Variants in C8orf34 observed in about 807,000 individuals in gnomAD.
C8orf34 encodes the protein chromosome 8 open reading frame 34, also known as uncharacterized protein C8orf34.
In C8orf34, 65 loss-of-function variants were observed where a neutral mutation model predicts 68.3. The observed-to-expected ratio is 0.95, with a 90% confidence interval of 0.78 to 1.17. The LOEUF (loss-of-function observed/expected upper bound fraction) is 1.17, where lower values mean the gene tolerates loss of function less well. Among genes scored for constraint, C8orf34 ranks in the 50% most tolerant of loss-of-function variants. The pLI is 0.00. For synonymous variants in C8orf34, 244 were observed against 241.2 expected, an observed-to-expected ratio of 1.01 and a Z score of -0.11; for missense variants, 664 against 655.4, an observed-to-expected ratio of 1.01 and a Z score of -0.14.
At chr8:68,596,162 A>G (rs987117196) in intron 7 of C8orf34, among the ~76,000 whole-genome samples, 4 of 152,002 alleles carry the variant, frequency 2.6e-5, no homozygotes, top group African/African-American at 9.7e-5. Flanking sequence ...AGTTTGACTG[A>G]TCCCTGGGCA....
chr8:68,766,384 G>A (rs764629133), intron 10 of C8orf34, among the ~76,000 whole-genome samples: 3 of 152,150 alleles, frequency 2.0e-5, no homozygotes, highest in Non-Finnish European at 4.4e-5. Flanking sequence ...ACGGACCTTA[G>A]AGAATTTATA....
chr8:68,646,363 T>A (rs973820183), intron 8 of C8orf34, among the ~76,000 whole-genome samples: 2 of 152,020 alleles, frequency 1.3e-5, no homozygotes, highest in Non-Finnish European at 2.9e-5. Flanking sequence ...ATATATTGTA[T>A]ATTTATGGGG....
chr8:68,356,389 A>C (rs913108566), intron 1 of C8orf34, among the ~76,000 whole-genome samples: 1 of 152,140 alleles, frequency 6.6e-6, no homozygotes, highest in Admixed American at 6.6e-5. Flanking sequence ...AAATAAACAC[A>C]AAAACTCATA....
chr8:68,424,313 G>T (rs1810112996), intron 1 of C8orf34, among the ~76,000 whole-genome samples: 1 of 152,160 alleles, frequency 6.6e-6, no homozygotes, highest in Admixed American at 6.5e-5. Context: ...GAACCTACAT[G>T]CTCAACCTAA....
At chr8:68,813,688 A>C (rs1824724050) in intron 12 of C8orf34, among the ~76,000 whole-genome samples, 1 of 151,994 alleles carries the variant, frequency 6.6e-6, no homozygotes, top group East Asian at 1.9e-4. Flanking sequence ...TCAACATTCT[A>C]CCTGAAATTC....
intron 7 of C8orf34, 78 bp from the exon 8 acceptor site, chr8:68,640,298 A>T (rs1417389464): frequency 7.3e-7 from 1 of 1,368,986 alleles, no homozygotes; most frequent in African/African-American, 1.4e-5. Context: ...CTAATGGCAG[A>T]TACCTGAAAA....
At chr8:68,641,699 G>T (rs192802146) in intron 8 of C8orf34, among the ~76,000 whole-genome samples, 71 of 152,268 alleles carry the variant, frequency 4.7e-4, no homozygotes, top group African/African-American at 1.7e-3. Context: ...AGAAGACTGG[G>T]ATATGAGGTG....
chr8:68,548,116 A>G (rs1372344657), intron 7 of C8orf34, among the ~76,000 whole-genome samples: 1 of 151,802 alleles, frequency 6.6e-6, no homozygotes, highest in Non-Finnish European at 1.5e-5. Flanking sequence ...TAATATATTC[A>G]AAACATTGGC....
intron 5 of C8orf34, among the ~76,000 whole-genome samples, chr8:68,516,263 A>T (rs534689766): frequency 3.3e-5 from 5 of 152,310 alleles, no homozygotes; most frequent in African/African-American, 1.2e-4. Flanking sequence ...ACTGTTTTTC[A>T]TTCTTGAGGA....
At chr8:68,786,148 G>C (rs1823837949) in intron 11 of C8orf34, among the ~76,000 whole-genome samples, 1 of 152,140 alleles carries the variant, frequency 6.6e-6, no homozygotes, top group Non-Finnish European at 1.5e-5. Context: ...GAGATAAAGA[G>C]TGAATTGACA....
intron 7 of C8orf34, among the ~76,000 whole-genome samples, chr8:68,604,607 A>T (rs772611912): frequency 3.9e-5 from 6 of 152,160 alleles, no homozygotes; most frequent in African/African-American, 1.2e-4. Context: ...ATGGAATTAT[A>T]GTATGACATA....
chr8:68,622,438 A>G (rs1361669112), intron 7 of C8orf34, among the ~76,000 whole-genome samples: 2 of 152,082 alleles, frequency 1.3e-5, no homozygotes, highest in Non-Finnish European at 2.9e-5. Context: ...TCTTTCTGAC[A>G]TATGACGCTC....
intron 10 of C8orf34, among the ~76,000 whole-genome samples, chr8:68,772,105 A>T (rs1823357030): frequency 6.6e-6 from 1 of 152,178 alleles, no homozygotes; most frequent in Admixed American, 6.5e-5. Flanking sequence ...GGTAGTTCTT[A>T]AGAGAATGCT....
At chr8:68,449,118 A>G (rs1276284769) in intron 3 of C8orf34, among the ~76,000 whole-genome samples, 1 of 152,128 alleles carries the variant, frequency 6.6e-6, no homozygotes, top group African/African-American at 2.4e-5. Context: ...CTTAATTAAT[A>G]TTTATAAACA....
At chr8:68,535,323 A>G in intron 7 of C8orf34, 1 of 982,376 alleles carries the variant, frequency 1.0e-6, no homozygotes, top group Non-Finnish European at 1.2e-6. Context: ...TGTGTGCTAT[A>G]GCTTATGTGT....
At chr8:68,456,923 G>C (rs139048078) in intron 3 of C8orf34, among the ~76,000 whole-genome samples, 75 of 152,316 alleles carry the variant, frequency 4.9e-4, no homozygotes, top group African/African-American at 1.7e-3. Flanking sequence ...TGTATGGAAT[G>C]GTTGCAGATC....
chr8:68,716,544 A>T (rs1031022849), intron 9 of C8orf34, among the ~76,000 whole-genome samples: 1 of 152,110 alleles, frequency 6.6e-6, no homozygotes, highest in South Asian at 2.1e-4. Context: ...TACTTAAATT[A>T]TCTTAGTTAT....
intron 6 of C8orf34, among the ~76,000 whole-genome samples, chr8:68,522,824 A>C (rs1437018708): frequency 6.6e-6 from 1 of 152,192 alleles, no homozygotes; most frequent in Non-Finnish European, 1.5e-5. Context: ...ACAGGAGTTT[A>C]AGCTTTCTGT....
At chr8:68,559,251 A>G (rs563018657) in intron 7 of C8orf34, among the ~76,000 whole-genome samples, 1 of 152,356 alleles carries the variant, frequency 6.6e-6, no homozygotes, top group African/African-American at 2.4e-5. Context: ...GGAGGAGCCT[A>G]AAGTAATTTC....
Sources: gnomAD v4.1 joint callset for allele counts (sites outside exome capture counted in the v4.1 genomes callset) on GRCh38, gnomAD v4.1.1 for gene constraint, MANE v1.5 for transcripts, NCBI Gene and HGNC (gene_info 2026-07-23, HGNC 2026-07-21) for gene names.